KCNAB2: variants seen among roughly 807,000 people sequenced by gnomAD.
KCNAB2 encodes voltage-gated potassium channel subunit beta-2.
KCNAB2 carries 29 observed loss-of-function variants against 63.6 expected under a neutral mutation model. That is an observed-to-expected ratio of 0.46 (90% CI 0.34 to 0.62). KCNAB2 has a LOEUF of 0.62. KCNAB2 is among the 20% of genes least tolerant of loss of function. KCNAB2 has a pLI of 0.01. For missense variants in KCNAB2, 359 were observed against 563.9 expected (o/e 0.64, Z 3.68); for synonymous variants, 222 against 224.2 (o/e 0.99, Z 0.09).
At position 6,096,568 on chromosome 1, in the gene KCNAB2, C is replaced by T. The variant is rs527288779; in HGVS notation, c.949-68C>T. 6.0e-5 allele frequency: 92 copies of T among 1,544,920 alleles called. No homozygotes were observed. The African/African-American group carries it at 1.1e-3, about 18-fold the overall frequency. ...CCAGAAGGAATGAGCCCATCGGCCCCCTGCACGTGGGGGTCCAGGTGACCT... is the reference window on the plus strand; with the variant it reads ...CCAGAAGGAATGAGCCCATCGGCCCTCTGCACGTGGGGGTCCAGGTGACCT... On this transcript the variant is annotated intron_variant, in intron 13 of 15. Coordinates refer to ENST00000378083, the MANE Select transcript of KCNAB2 (RefSeq NM_001199862.2). The surrounding 1 kb of genome is among the most constrained non-coding windows in gnomAD (Gnocchi z 5.9).
intron 1 of KCNAB2, among the ~76,000 whole-genome samples, chr1:6,006,906 G>C (rs143862956): frequency 1.3e-5 from 2 of 152,040 alleles, no homozygotes; most frequent in East Asian, 3.9e-4. Flanking sequence ...AGCTGTTGTC[G>C]AGGGATCAGA....
At chr1:6,077,870 C>G (rs372710789) in intron 4 of KCNAB2, among the ~76,000 whole-genome samples, 10 of 152,184 alleles carry the variant, frequency 6.6e-5, no homozygotes, top group African/African-American at 2.4e-4. Flanking sequence ...CTCCAGTGGT[C>G]GAACAGCATG....
chr1:6,003,669 C>T lies in KCNAB2; in HGVS notation c.-53+10881C>T, dbSNP rs1657390595. On this transcript the variant is annotated intron_variant, in intron 1 of 16. Coordinates refer to the KCNAB2 transcript ENST00000341524. The surrounding 1 kb of genome is among the most constrained non-coding windows in gnomAD (Gnocchi z 4.1). ...TCACAGAGGTAGGATTCCTGGACCC[C>T]AAGCTCTGGACCTCTACTACCCAAT... 6.6e-6 allele frequency among the ~76,000 whole-genome samples: 1 copy of T among 152,214 alleles called. No individual in the cohort carries two copies. The highest frequency in any genetic ancestry group is 6.5e-5 in the Admixed American group (1 of 15,282).
chr1:6,011,363 T>G (rs1457648983), intron 1 of KCNAB2, among the ~76,000 whole-genome samples: 2 of 100,794 alleles, frequency 2.0e-5, no homozygotes, highest in Non-Finnish European at 4.0e-5. Context: ...CAGGGCCAGG[T>G]GTGCGGGAGG....
Position 6,099,965 on chromosome 1 carries a change from CAGACCACG to C in KCNAB2, c.*1392_*1399del. On this transcript the variant is annotated 3_prime_UTR_variant, in exon 16 of 16. Transcript: ENST00000378083. ...TGTCCCAAGCAGTACCCAGGCTTTG[CAGACCACG>C]CGGGGCAGGGCTCCACTGAAGCCAC... is the stretch of plus-strand genomic sequence containing the variant. 1.3e-6 allele frequency: 2 copies of C among 1,549,868 alleles called. No homozygotes were observed. The highest frequency in any genetic ancestry group is 1.7e-6 in the Non-Finnish European group (2 of 1,146,622).
In KCNAB2 at chr1:6,087,058, C is replaced by T. The variant is rs1242357008; in HGVS notation, c.426-409C>T. On this transcript the variant is annotated intron_variant, in intron 6 of 15. Coordinates refer to ENST00000378083, the MANE Select transcript of KCNAB2 (RefSeq NM_001199862.2). This position sits in a 1 kb window ranked among gnomAD's most constrained non-coding sequence, Gnocchi z 6.4. ...CAGATCCCCCCAGAGCCCGCCCCTG[C>T]CCCCTGGCCCACACCCGGCCTCCTC... Among the ~76,000 whole-genome samples the T allele has an allele frequency of 6.6e-6, 1 of 152,122 alleles. No homozygotes were observed. The highest frequency in any genetic ancestry group is 6.5e-5 in the Admixed American group (1 of 15,278).
Position 6,035,197 on chromosome 1 carries a change from T to C in KCNAB2, c.-53+403T>C, listed in dbSNP as rs1276264523. On this transcript the variant is annotated intron_variant, in intron 1 of 15. Coordinates refer to the KCNAB2 transcript ENST00000164247. The surrounding 1 kb of genome is among the most constrained non-coding windows in gnomAD (Gnocchi z 5.0). ...GGTGGGAGTGAGTCTGTCTGCTGGG[T>C]TCACAGACCCCCAGGGAGCCAGTGT... 1.4e-5 allele frequency among the ~76,000 whole-genome samples: 2 copies of C among 142,994 alleles called. No homozygotes were observed. Among genetic ancestry groups the C allele is most frequent in the Non-Finnish European group, 3.0e-5 (2 of 66,276 alleles). 93.8% of individuals were successfully genotyped at this position (142,994 alleles called of 152,430 possible). A position where few individuals can be genotyped will look rare whatever the true frequency, so the allele number is the denominator to read the frequency against.
At chr1:6,025,908 GGCACACAGCCGA>G (rs1659132196) in intron 1 of KCNAB2, 1 of 137,396 alleles carries the variant, frequency 7.3e-6, no homozygotes, top group African/African-American at 2.6e-5. Context: ...AGCCGATCCC[GGCACACAGCCGA>G]TCCCGGCACA....
intron 1 of KCNAB2, among the ~76,000 whole-genome samples, chr1:6,001,296 C>CCACA (rs56828069): frequency 4.3e-3 from 628 of 147,060 alleles, no homozygotes; most frequent in East Asian, 0.017. Flanking sequence ...CATGTGATCA[C>CCACA]CACACACACA....
chr1:5,996,649 G>A (rs1314554793), intron 1 of KCNAB2, among the ~76,000 whole-genome samples: 1 of 152,270 alleles, frequency 6.6e-6, no homozygotes, highest in Non-Finnish European at 1.5e-5. Context: ...TAACTGCTTT[G>A]ACGCCATGCT....
Position 6,099,874 on chromosome 1 carries a change from G to T in KCNAB2, c.*1300G>T. 1.9e-6 allele frequency: 3 copies of T among 1,549,982 alleles called. No individual in the cohort carries two copies. The highest frequency in any genetic ancestry group is 2.6e-6 in the Non-Finnish European group (3 of 1,146,706). ...CCAGAGTGACGCCCCCGTGCAGCTT[G>T]GGCCGGAGGGCAAGGGATGCCAGTA... is the stretch of plus-strand genomic sequence containing the variant. On this transcript the variant is annotated 3_prime_UTR_variant, in exon 16 of 16. Coordinates refer to ENST00000378083, the MANE Select transcript of KCNAB2 (RefSeq NM_001199862.2).
At chr1:6,081,125 A>G (rs1664174579) in intron 4 of KCNAB2, among the ~76,000 whole-genome samples, 1 of 152,320 alleles carries the variant, frequency 6.6e-6, no homozygotes, top group Non-Finnish European at 1.5e-5. Flanking sequence ...TTGCTCATGG[A>G]GCACAATCGC....
chr1:6,088,158 C>T (rs2100750234), intron 7 of KCNAB2, among the ~76,000 whole-genome samples: 1 of 151,984 alleles, frequency 6.6e-6, no homozygotes, highest in Middle Eastern at 3.4e-3. Context: ...CTCCTGGGCT[C>T]GAGCGAGCCT....
At chr1:6,052,252 T>C (rs111657529) in intron 2 of KCNAB2, among the ~76,000 whole-genome samples, 1,905 of 151,946 alleles carry the variant, frequency 0.013, 43 homozygotes, top group African/African-American at 0.043. Flanking sequence ...CAAAACCCCA[T>C]CTCTACCCCA....
intron 2 of KCNAB2, among the ~76,000 whole-genome samples, chr1:6,061,993 A>G (rs1426378297): frequency 6.6e-6 from 1 of 152,174 alleles, no homozygotes; most frequent in Admixed American, 6.6e-5. Flanking sequence ...ACTTTCCGGC[A>G]AAGAATAAAC....
chr1:6,014,357 G>A (rs894057839), intron 1 of KCNAB2, among the ~76,000 whole-genome samples: 19 of 152,244 alleles, frequency 1.2e-4, no homozygotes, highest in Admixed American at 9.2e-4. Context: ...GCCCAGGGCT[G>A]AAGCCAGAGG....
Position 6,099,973 on chromosome 1 carries a change from G to C in KCNAB2, c.*1399G>C, listed in dbSNP as rs370012532. 6.5e-7 allele frequency: 1 copy of C among 1,548,946 alleles called. No homozygotes were observed. The highest frequency in any genetic ancestry group is 8.7e-7 in the Non-Finnish European group (1 of 1,146,230). On this transcript the variant is annotated 3_prime_UTR_variant, in exon 16 of 16. Coordinates refer to ENST00000378083, the MANE Select transcript of KCNAB2 (RefSeq NM_001199862.2). ...GCAGTACCCAGGCTTTGCAGACCAC[G>C]CGGGGCAGGGCTCCACTGAAGCCAC...
At chr1:6,009,439 G>A (rs925637041) in intron 1 of KCNAB2, among the ~76,000 whole-genome samples, 5 of 152,182 alleles carry the variant, frequency 3.3e-5, no homozygotes, top group African/African-American at 1.2e-4. Context: ...GCACACACCT[G>A]CACACACACC....
rs181804752 is a variant in KCNAB2 at position 6,072,871 on chromosome 1, C to T, written c.262+73C>T. 2.9e-4 allele frequency: 438 copies of T among 1,488,850 alleles called. 3 individuals are homozygous for T. In the African/African-American group the frequency reaches 5.4e-3, roughly 19 times the overall value. The allele number at this position is 1,488,850 out of a possible 1,614,324, so 92.2% of individuals were successfully genotyped here. On this transcript the variant is annotated intron_variant, in intron 3 of 15. Coordinates refer to ENST00000378083, the MANE Select transcript of KCNAB2 (RefSeq NM_001199862.2). ...GAGGCCGGGCATGGACTGAACTGGA[C>T]ACCCCTTGGGAGGCAGGGTGGCCCA...
Sources: allele counts gnomAD v4.1 joint callset (sites outside exome capture counted in the v4.1 genomes callset), GRCh38; gene constraint gnomAD v4.1.1; non-coding constraint Gnocchi (gnomAD v3.1); transcripts MANE v1.5; gene names NCBI Gene and HGNC (gene_info 2026-07-23, HGNC 2026-07-21).